Variants in DDX54 observed in about 807,000 individuals in gnomAD.
DDX54 encodes the protein DEAD-box helicase 54, also known as ATP-dependent RNA helicase DDX54.
In DDX54, 67 loss-of-function variants were observed where a neutral mutation model predicts 105.5. The observed-to-expected ratio is 0.64, with a 90% CI of 0.52 to 0.78. The LOEUF is 0.78. Among genes scored for constraint, DDX54 ranks in the 30% least tolerant of loss-of-function variants. The pLI, the probability that DDX54 is intolerant of heterozygous loss-of-function variation, is 0.00. For synonymous variants in DDX54, 514 were observed against 509.9 expected (o/e 1.01, Z -0.11); for missense variants, 1,206 against 1,230.5 (o/e 0.98, Z 0.30).
At position 113,166,082 on chromosome 12, in the gene DDX54, G is replaced by A. The variant is rs768248160; in HGVS notation, c.1415-50C>T. 8 of 1,557,242 alleles carry A rather than the reference G, an allele frequency of 5.1e-6. No homozygotes were observed. In the South Asian group the frequency reaches 9.2e-5, roughly 18 times the overall value. ...AGAGGTCTTTCAGCCTGGCCCGCCT[G>A]TCCACTGCCCGACCACCACTCTTGG... On this transcript the variant is annotated intron_variant, in intron 12 of 19. Coordinates refer to ENST00000306014, the MANE Select transcript of DDX54 (RefSeq NM_024072.4).
At chr12:113,177,543 G>C (rs1952418476) in intron 5 of DDX54, among the ~76,000 whole-genome samples, 2 of 152,170 alleles carry the variant, frequency 1.3e-5, no homozygotes, top group Admixed American at 1.3e-4. Flanking sequence ...GTAGGAGCCA[G>C]GGTAGTCCTG....
At position 113,162,921 on chromosome 12, in the gene DDX54, C is replaced by T. The variant is rs200189458; in HGVS notation, c.2195+11G>A. 1.6e-5 allele frequency: 26 copies of T among 1,578,780 alleles called. No individual in the cohort carries two copies. Among genetic ancestry groups the T allele is most frequent in the Middle Eastern group, 3.4e-4 (2 of 5,910 alleles). On this transcript the variant is annotated intron_variant, in intron 17 of 19. Coordinates refer to ENST00000306014, the MANE Select transcript of DDX54 (RefSeq NM_024072.4). ...CCCGAGCATGGAGGGGCGGCTCACT[C>T]GATCACTCACCACTTGAGCTGCTGC... is the stretch of plus-strand genomic sequence containing the variant.
intron 2 of DDX54, 72 bp from the exon 3 acceptor site, chr12:113,180,077 A>T: frequency 7.2e-7 from 1 of 1,390,860 alleles, no homozygotes; most frequent in Non-Finnish European, 1.0e-6. Context: ...ACTTTACAGG[A>T]CAAATGACAG....
chr12:113,167,381 T>A (rs1593001317), intron 12 of DDX54, among the ~76,000 whole-genome samples: 1 of 151,462 alleles, frequency 6.6e-6, no homozygotes, highest in Middle Eastern at 3.4e-3. Context: ...TCTCAAAAAA[T>A]AAAATAAAAT....
intron 10 of DDX54, among the ~76,000 whole-genome samples, chr12:113,173,275 T>C (rs1030448598): frequency 6.6e-6 from 1 of 152,216 alleles, no homozygotes; most frequent in African/African-American, 2.4e-5. Context: ...GTGGATCACT[T>C]GAGCCCAGGA....
intron 11 of DDX54, among the ~76,000 whole-genome samples, chr12:113,171,653 G>C (rs1952341292): frequency 6.6e-6 from 1 of 151,790 alleles, no homozygotes; most frequent in Admixed American, 6.6e-5. Context: ...TGCACAATGG[G>C]AACAGACTCA....
In DDX54 at chr12:113,164,265, G is replaced by A; in HGVS notation, c.1740C>T (p.Ala580=). ...CCTGGCTGCACAGGTCTCGGCTGGA[G>A]GCGTTGATCTCAAAGATAGTCTGTG... The part of the protein sequence containing the change: ...RSRATIFEIN[A]SSRDLCSQVM... Residue 580 remains alanine (A), a synonymous_variant, in exon 15 of 20, where the codon GCC becomes GCT. Transcript: ENST00000306014. 6.3e-7 allele frequency: 1 copy of A among 1,593,846 alleles called. No individual in the cohort carries two copies.
chr12:113,166,237 G>A (rs889281591), intron 12 of DDX54, among the ~76,000 whole-genome samples: 2 of 152,194 alleles, frequency 1.3e-5, no homozygotes, highest in African/African-American at 2.4e-5. Context: ...AACTGCGGCC[G>A]GCCGGCCAGC....
chr12:113,172,592 G>C lies in DDX54; in HGVS notation c.1069-29C>G, dbSNP rs764375961. The C allele has an allele frequency of 2.5e-6, 4 of 1,610,270 alleles. No individual in the cohort carries two copies. The South Asian group carries it at 3.3e-5, about 13-fold the overall frequency. On this transcript the variant is annotated intron_variant, in intron 10 of 19. Transcript: ENST00000306014. ...CTCAGAGCAAAGATGGTAGCAAAGT[G>C]AGAAGGAGACTTGGAGGAGAAAGGA...
Position 113,165,720 on chromosome 12 carries a change from G to C in DDX54, c.1646-3C>G. ...CTCCTCCTCCTCAAAACGCGAGCCT[G>C]GTAGGAAAGCAGCAAGGTGTGAGGC... On this transcript the variant is annotated splice_region_variant and splice_polypyrimidine_tract_variant and intron_variant, in intron 13 of 19. Coordinates refer to ENST00000306014, the MANE Select transcript of DDX54 (RefSeq NM_024072.4). The C allele has an allele frequency of 6.2e-7, 1 of 1,613,028 alleles. No homozygotes were observed. The highest frequency in any genetic ancestry group is 8.5e-7 in the Non-Finnish European group (1 of 1,179,442).
At chr12:113,183,201 C>T (rs73208728) in intron 1 of DDX54, among the ~76,000 whole-genome samples, 10 of 152,150 alleles carry the variant, frequency 6.6e-5, no homozygotes, top group African/African-American at 2.2e-4. Flanking sequence ...TTGCCTTCTA[C>T]GGATGTGGAA....
Position 113,185,340 on chromosome 12 carries a change from C to A in DDX54, c.112G>T (p.Gly38Cys), listed in dbSNP as rs576006802. The change falls in exon 1 of 20, where the codon GGC (glycine) becomes TGC (cysteine). Residue 38 changes from glycine to cysteine, a missense_variant. Gly to Cys is a radical substitution (Grantham distance 159, BLOSUM62 -3). This residue lies in a region of DDX54 where 212 missense variants were observed against 155.4 expected (regional missense o/e 1.36). Coordinates refer to ENST00000306014, the MANE Select transcript of DDX54 (RefSeq NM_024072.4). Reference sequence around the variant, plus strand: ...AACTCGCCGTCCTCCGAGTCGCTGCCGCGGGCCTGGGAGGCCGCGCCTCGG... The same window carrying A: ...AACTCGCCGTCCTCCGAGTCGCTGCAGCGGGCCTGGGAGGCCGCGCCTCGG... ...KRRGAASQAR[G>C]SDSEDGEFEI... 1.9e-6 allele frequency: 3 copies of A among 1,586,656 alleles called. No individual in the cohort carries two copies. In the Admixed American group the frequency reaches 5.2e-5, roughly 27 times the overall value.
intron 1 of DDX54, among the ~76,000 whole-genome samples, chr12:113,183,323 T>TAA (rs1278179523): frequency 6.6e-6 from 1 of 152,244 alleles, no homozygotes; most frequent in Non-Finnish European, 1.5e-5. Context: ...GAACTACACT[T>TAA]AGACTCCTCT....
At chr12:113,167,893 T>C in intron 12 of DDX54, 1 of 501,190 alleles carries the variant, frequency 2.0e-6, no homozygotes, top group Non-Finnish European at 4.0e-6. Flanking sequence ...GTCCATTTCC[T>C]CCTGCTCCTG....
At chr12:113,171,264 A>G (rs1319091022) in intron 11 of DDX54, among the ~76,000 whole-genome samples, 1 of 152,188 alleles carries the variant, frequency 6.6e-6, no homozygotes, top group Non-Finnish European at 1.5e-5. Context: ...GGAGGGGAAT[A>G]AGGAGATTTT....
At position 113,172,336 on chromosome 12, in the gene DDX54, A is replaced by G. The variant is rs1952350712; in HGVS notation, c.1279+17T>C. The G allele has an allele frequency of 1.2e-6, 2 of 1,610,464 alleles. No individual in the cohort carries two copies. Among genetic ancestry groups the G allele is most frequent in the Non-Finnish European group, 8.5e-7 (1 of 1,178,330 alleles). ...CGGCACCCCTGCCTGCCCCAGGGCC[A>G]GCCACGGGCTGCTTACCCACGCGGT... On this transcript the variant is annotated intron_variant, in intron 11 of 19. Coordinates refer to ENST00000306014, the MANE Select transcript of DDX54 (RefSeq NM_024072.4).
chr12:113,160,966 G>A lies in DDX54; in HGVS notation c.2413+304C>T, dbSNP rs144444195. Among the ~76,000 whole-genome samples, 885 of 152,270 alleles carry A rather than the reference G, an allele frequency of 5.8e-3. 7 individuals carry two copies. Among genetic ancestry groups the A allele is most frequent in the African/African-American group, 0.02 (822 of 41,534 alleles). ...AGGGCATCTACCAGAAGTTATCCCT[G>A]TAGCTTCATCTGTGAAGTGGAAGGG... On this transcript the variant is annotated intron_variant, in intron 19 of 19. Coordinates refer to ENST00000306014, the MANE Select transcript of DDX54 (RefSeq NM_024072.4).
Position 113,158,938 on chromosome 12 carries a change from T to C in DDX54, c.2585A>G (p.Gln862Arg). ...GGCACCCCGGCCGAAGGCGCCCTGC[T>C]GCAGCTCCTGGACGCGGCGGCGGTT... ...ARNRRRVQEL[Q>R]QGAFGRGARS... The change falls in exon 20 of 20, where the codon CAG becomes CGG. Residue 862 changes from glutamine (Q) to arginine (R), a missense_variant. By Grantham distance (43) the Gln-to-Arg change is conservative (BLOSUM62 1). This residue lies in a region of DDX54 where 961 missense variants were observed against 1,019.1 expected (regional missense o/e 0.94). Coordinates refer to ENST00000306014, the MANE Select transcript of DDX54 (RefSeq NM_024072.4). The surrounding 1 kb of genome is among the most constrained non-coding windows in gnomAD (Gnocchi z 4.9). 6.2e-7 allele frequency: 1 copy of C among 1,610,398 alleles called. No individual in the cohort carries two copies. Among genetic ancestry groups the C allele is most frequent in the Non-Finnish European group, 8.5e-7 (1 of 1,177,586 alleles).
At position 113,161,621 on chromosome 12, in the gene DDX54, C is replaced by A. The variant is rs1374759087; in HGVS notation, c.2301-239G>T. 5 of 567,096 alleles carry A rather than the reference C, an allele frequency of 8.8e-6. No individual in the cohort carries two copies. In the East Asian group the frequency reaches 1.5e-4, roughly 17 times the overall value. 35.1% of individuals were successfully genotyped at this position (567,096 alleles called of 1,614,324 possible). ...CTGCTGAAGCTGCTGGGCCCGCCCCCAGCACAGGCCCCACTTACTGGAGAT... is the reference window on the plus strand; with the variant it reads ...CTGCTGAAGCTGCTGGGCCCGCCCCAAGCACAGGCCCCACTTACTGGAGAT... On this transcript the variant is annotated intron_variant, in intron 18 of 19. Transcript: ENST00000306014.
Sources: allele counts gnomAD v4.1 joint callset (sites outside exome capture counted in the v4.1 genomes callset), GRCh38; gene constraint gnomAD v4.1.1; regional missense constraint gnomAD v4.1.1; non-coding constraint Gnocchi (gnomAD v3.1); transcripts MANE v1.5; gene names NCBI Gene and HGNC (gene_info 2026-07-23, HGNC 2026-07-21).